PI3: variants seen among roughly 807,000 people sequenced by gnomAD.
The protein encoded by PI3 is peptidase inhibitor 3.
Under a neutral mutation model 6.0 loss-of-function variants are expected in PI3, and 4 were observed. The observed-to-expected ratio is 0.67, with a 90% CI of 0.33 to 1.54. The LOEUF (loss-of-function observed/expected upper bound fraction) is 1.54, where lower values mean the gene tolerates loss of function less well. Ranked by LOEUF, PI3 falls within the 40% of genes most tolerant of loss-of-function variation. The probability of loss-of-function intolerance (pLI) is 0.06; values close to 1 mark genes in which losing one functional copy is unlikely to be tolerated. For synonymous variants in PI3, 58 were observed against 56.9 expected (o/e 1.02, Z -0.09); for missense variants, 149 against 147.6 (o/e 1.01, Z -0.05).
rs35716733 is a variant in PI3 at position 45,176,045 on chromosome 20, C to T, written c.264C>T (p.Pro88=). The T allele has an allele frequency of 2.8e-3, 4,562 of 1,614,146 alleles. 95 individuals are homozygous for T. The African/African-American group carries it at 0.053, about 19-fold the overall frequency. The change falls in exon 2 of 3, where the codon CCC becomes CCT. Residue 88 remains proline (P), a synonymous_variant. Transcript: ENST00000243924. ...IILIRCAMLN[P]PNRCLKDTDC... is the part of the protein sequence containing the mutation. ...TGATCCGGTGCGCCATGTTGAATCC[C>T]CCTAACCGCTGCTTGAAAGATACTG...
At chr20:45,175,042 G>A (rs1363415956) in intron 1 of PI3, 41 bp downstream of exon 1, 2 of 1,541,508 alleles carry the variant, frequency 1.3e-6, no homozygotes, top group African/African-American at 2.7e-5. Flanking sequence ...TTGGACTAAG[G>A]GGAGACCCTC....
chr20:45,176,003 C>T lies in PI3; in HGVS notation c.222C>T (p.Gly74=). The change falls in exon 2 of 3, where the codon GGC becomes GGT. Residue 74 remains glycine, a synonymous_variant. Transcript: ENST00000243924. The part of the protein sequence containing the change: ...PVKGPVSTKP[G]SCPIILIRCA... ...AAGGTCCAGTCTCCACTAAGCCTGG[C>T]TCCTGCCCCATTATCTTGATCCGGT... is the stretch of plus-strand genomic sequence containing the variant. 3 of 1,614,212 alleles carry T rather than the reference C, an allele frequency of 1.9e-6. No homozygotes were observed.
chr20:45,175,027 C>T (rs1347989924), intron 1 of PI3, 26 bp downstream of exon 1: 2 of 1,589,532 alleles, frequency 1.3e-6, no homozygotes, highest in African/African-American at 1.3e-5. Flanking sequence ...ACCTGCTGGG[C>T]TGGGTTGGAC....
At chr20:45,175,054 G>A (rs777138858) in intron 1 of PI3, 53 bp downstream of exon 1, 1 of 1,408,560 alleles carries the variant, frequency 7.1e-7, no homozygotes, top group African/African-American at 1.4e-5. Flanking sequence ...GAGACCCTCT[G>A]GGACACCCTG....
chr20:45,175,650 A>G (rs1982774821), intron 1 of PI3, among the ~76,000 whole-genome samples: 1 of 152,162 alleles, frequency 6.6e-6, no homozygotes, highest in African/African-American at 2.4e-5. Context: ...GGAAGAAACA[A>G]ATACTCAAGG....
rs187711083 is a variant in PI3 at position 45,175,159 on chromosome 20, C to G, written c.79+158C>G. ...GCCATCATATTCAGAAAAAATAGGA[C>G]TTTGGCTGGTGGACTCCACGTGCTT... On this transcript the variant is annotated intron_variant, in intron 1 of 2. Coordinates refer to ENST00000243924, the MANE Select transcript of PI3 (RefSeq NM_002638.4). Among the ~76,000 whole-genome samples the G allele has an allele frequency of 1.1e-4, 17 of 152,324 alleles. No individual in the cohort carries two copies. In the East Asian group the frequency reaches 2.9e-3, roughly 26 times the overall value.
chr20:45,175,043 G>A (rs1568817872), intron 1 of PI3, 42 bp downstream of exon 1: 8 of 1,529,798 alleles, frequency 5.2e-6, no homozygotes, highest in Non-Finnish European at 5.4e-6. Flanking sequence ...TGGACTAAGG[G>A]GAGACCCTCT....
rs369529703 is a variant in PI3 at position 45,175,004 on chromosome 20, G to A, written c.79+3G>A. 335 of 1,609,754 alleles carry A rather than the reference G, an allele frequency of 2.1e-4. 1 individual carries two copies. The highest frequency in any genetic ancestry group is 2.8e-4 in the Non-Finnish European group (326 of 1,177,242). On this transcript the variant is annotated splice_donor_region_variant and intron_variant, in intron 1 of 2. Transcript: ENST00000243924. ...TCTAGAGGCAGCTGTCACGGGAGGT[G>A]AGTGAACAGGTGACCTGCTGGGCTG...
intron 1 of PI3, among the ~76,000 whole-genome samples, chr20:45,175,362 T>C (rs1211438970): frequency 1.3e-5 from 2 of 152,112 alleles, no homozygotes; most frequent in African/African-American, 4.8e-5. Flanking sequence ...ACTGGAGTAA[T>C]CAGTACTCTA....
rs1982789425 is a variant in PI3, at chr20:45,176,135, A to C, written c.354A>C (p.Ter118CysextTer21). Residue 118 changes from the stop codon to cysteine (C), a stop_lost and splice_region_variant, in exon 2 of 3, where the codon TGA (stop) becomes TGC (cysteine). Transcript: ENST00000243924. The stretch of plus-strand genomic sequence containing the variant: ...GGATGGCCTGTTTCGTTCCCCAGTG[A>C]GGTGAGCACTAGCTGGAGAACGAGG... ...SCGMACFVPQ[*>C] 6.2e-7 allele frequency: 1 copy of C among 1,613,970 alleles called. No homozygotes were observed. Among genetic ancestry groups the C allele is most frequent in the African/African-American group, 1.3e-5 (1 of 75,010 alleles).
chr20:45,175,825 T>A, intron 1 of PI3, 36 bp from the exon 2 acceptor site: 1 of 1,607,810 alleles, frequency 6.2e-7, no homozygotes, highest in Non-Finnish European at 8.5e-7. Context: ...AGAGGCTTAC[T>A]GGGTATAAAT....
chr20:45,174,930 C>T lies in PI3; in HGVS notation c.8C>T (p.Ala3Val), dbSNP rs1471033070. The change falls in exon 1 of 3, where the codon GCC (alanine) becomes GTC (valine). Residue 3 changes from alanine to valine, a missense_variant. Transcript: ENST00000243924. MRASSFLIVVVFL... is the reference protein window; with the variant it reads MRVSSFLIVVVFL... Reference sequence around the variant, plus strand: ...AAACACCTTCCTGACACCATGAGGGCCAGCAGCTTCTTGATCGTGGTGGTG... The same window carrying T: ...AAACACCTTCCTGACACCATGAGGGTCAGCAGCTTCTTGATCGTGGTGGTG... 3.1e-6 allele frequency: 5 copies of T among 1,612,572 alleles called. No individual in the cohort carries two copies. The highest frequency in any genetic ancestry group is 4.2e-6 in the Non-Finnish European group (5 of 1,179,022).
At position 45,174,950 on chromosome 20, in the gene PI3, G is replaced by A. The variant is rs1600632646; in HGVS notation, c.28G>A (p.Val10Met). The change falls in exon 1 of 3, where the codon GTG becomes ATG. Residue 10 changes from valine to methionine, a missense_variant. By Grantham distance (21) the Val-to-Met change is conservative. Transcript: ENST00000243924. ...GAGGGCCAGCAGCTTCTTGATCGTG[G>A]TGGTGTTCCTCATCGCTGGGACGCT... MRASSFLIVVVFLIAGTLVL... is the reference protein window; with the variant it reads MRASSFLIVMVFLIAGTLVL... The A allele has an allele frequency of 6.2e-7, 1 of 1,613,480 alleles. No individual in the cohort carries two copies. Among genetic ancestry groups the A allele is most frequent in the Non-Finnish European group, 8.5e-7 (1 of 1,179,546 alleles).
rs746917836 is a variant in PI3 at position 45,176,528 on chromosome 20, G to A, written c.*160G>A. ...CCTCTCTCATCCACTTTCCAATAAA[G>A]AGTTCCTTCTGCTCCACTTGTTTCT... On this transcript the variant is annotated 3_prime_UTR_variant, in exon 3 of 3. Coordinates refer to ENST00000243924, the MANE Select transcript of PI3 (RefSeq NM_002638.4). The A allele has an allele frequency of 4.7e-6, 1 of 210,824 alleles. No individual in the cohort carries two copies. The highest frequency in any genetic ancestry group is 2.3e-5 in the African/African-American group (1 of 43,298). The allele number at this position is 210,824 out of a possible 1,614,324, so 13.1% of individuals were successfully genotyped here.
rs1296599435 is a variant in PI3 at position 45,176,379 on chromosome 20, G to T, written c.*11G>T. The T allele has an allele frequency of 3.6e-6, 2 of 556,940 alleles. No individual in the cohort carries two copies. Among genetic ancestry groups the T allele is most frequent in the Non-Finnish European group, 6.4e-6 (2 of 311,668 alleles). The allele number at this position is 556,940 out of a possible 1,614,324, so 34.5% of individuals were successfully genotyped here. On this transcript the variant is annotated 3_prime_UTR_variant, in exon 3 of 3. Coordinates refer to ENST00000243924, the MANE Select transcript of PI3 (RefSeq NM_002638.4). The stretch of plus-strand genomic sequence containing the variant: ...CTCTTCTCTTCCACAGAGGGAGCCG[G>T]TCCTTGCTGCACCTGTGCCGTCCCC...
chr20:45,176,166 C>T, intron 2 of PI3, 30 bp downstream of exon 2: 11 of 1,609,438 alleles, frequency 6.8e-6, no homozygotes, highest in Non-Finnish European at 9.3e-6. Context: ...CGAGGAGACC[C>T]CTGAAGACAC....
intron 1 of PI3, 114 bp from the exon 2 acceptor site, chr20:45,175,747 T>G: frequency 9.3e-7 from 1 of 1,080,254 alleles, no homozygotes; most frequent in Non-Finnish European, 1.4e-6. Flanking sequence ...ACTCAGGCCA[T>G]GGTTTGAGGA....
chr20:45,175,524 T>C (rs543127586), intron 1 of PI3, among the ~76,000 whole-genome samples: 2 of 152,348 alleles, frequency 1.3e-5, no homozygotes, highest in Admixed American at 6.5e-5. Context: ...AGTATGTGGC[T>C]CAGGGTTCTT....
intron 2 of PI3, 41 bp downstream of exon 2, chr20:45,176,177 A>G: frequency 1.2e-6 from 2 of 1,603,348 alleles, no homozygotes; most frequent in Non-Finnish European, 1.7e-6. Flanking sequence ...CTGAAGACAC[A>G]AAAGAAGGCT....
Sources: allele counts gnomAD v4.1 joint callset (sites outside exome capture counted in the v4.1 genomes callset), GRCh38; gene constraint gnomAD v4.1.1; transcripts MANE v1.5; gene names NCBI Gene and HGNC (gene_info 2026-07-23, HGNC 2026-07-21).